The following SERTM1 variants were observed in gnomAD, a reference collection of about 807,000 sequenced individuals.
The protein encoded by SERTM1 is serine-rich and transmembrane domain-containing protein 1.
SERTM1 carries 1 observed loss-of-function variant against 5.5 expected under a neutral mutation model. That is an observed-to-expected ratio of 0.18 (90% CI 0.06 to 0.86). The LOEUF (loss-of-function observed/expected upper bound fraction) is 0.86. Among genes scored for constraint, SERTM1 ranks in the 40% least tolerant of loss-of-function variants. SERTM1 has a pLI of 0.69. For missense variants in SERTM1, 91 were observed against 122.4 expected, an observed-to-expected ratio of 0.74 and a Z score of 1.21; for synonymous variants, 52 against 55.1, an observed-to-expected ratio of 0.94 and a Z score of 0.25.
intron 1 of SERTM1, 98 bp downstream of exon 1, chr13:36,674,282 G>C (rs1311083643): frequency 1.4e-5 from 2 of 144,480 alleles, no homozygotes; most frequent in Admixed American, 7.1e-5. Flanking sequence ...TCGGGTCCTG[G>C]AGGCGAGCCG....
Position 36,695,652 on chromosome 13 carries a change from G to A in SERTM1, c.*250G>A, listed in dbSNP as rs1481144865. 1.3e-5 allele frequency: 7 copies of A among 538,414 alleles called. No homozygotes were observed. The highest frequency in any genetic ancestry group is 2.4e-5 in the Non-Finnish European group (7 of 296,910). The allele number at this position is 538,414 out of a possible 1,614,324, so 33.4% of individuals were successfully genotyped here. On this transcript the variant is annotated 3_prime_UTR_variant, in exon 2 of 2. Transcript: ENST00000315190. ...AAATGGCTTGATGAATCTAGACTGGGCTTCTTCAGGTAAGTCAGTTCATTC... is the reference window on the plus strand; with the variant it reads ...AAATGGCTTGATGAATCTAGACTGGACTTCTTCAGGTAAGTCAGTTCATTC...
chr13:36,686,249 T>G (rs1387888854), intron 1 of SERTM1, among the ~76,000 whole-genome samples: 1 of 152,190 alleles, frequency 6.6e-6, no homozygotes, highest in East Asian at 1.9e-4. Context: ...TGTTTGTGGC[T>G]TACTGGGCAT....
intron 1 of SERTM1, among the ~76,000 whole-genome samples, chr13:36,680,949 T>C (rs1334601596): frequency 6.6e-6 from 1 of 152,160 alleles, no homozygotes; most frequent in Admixed American, 6.6e-5. Context: ...CTGCTATATA[T>C]TTGCAGTTAG....
chr13:36,697,472 A>ATT lies in SERTM1; in HGVS notation c.*2078_*2079dup, dbSNP rs60491115. The ATT allele has an allele frequency of 3.2e-4, 53 of 164,076 alleles. No individual in the cohort carries two copies. The highest frequency in any genetic ancestry group is 6.4e-4 in the African/African-American group (26 of 40,908). 10.2% of individuals were successfully genotyped at this position (164,076 alleles called of 1,614,324 possible). A position where few individuals can be genotyped will look rare whatever the true frequency, so the allele number is the denominator to read the frequency against. Reference sequence around the variant, plus strand: ...GAGAAACAAGGACATGGATGAAGTGATTTTTTTTTAAATAAAAGGACAAAT... The same window carrying ATT: ...GAGAAACAAGGACATGGATGAAGTGATTTTTTTTTTTAAATAAAAGGACAAAT... On this transcript the variant is annotated 3_prime_UTR_variant, in exon 2 of 2. Coordinates refer to ENST00000315190, the MANE Select transcript of SERTM1 (RefSeq NM_203451.3).
intron 1 of SERTM1, among the ~76,000 whole-genome samples, chr13:36,689,115 C>A (rs187235862): frequency 6.6e-6 from 1 of 152,294 alleles, no homozygotes; most frequent in East Asian, 1.9e-4. Context: ...ACATTTTATT[C>A]TAAGAGAGTA....
intron 1 of SERTM1, among the ~76,000 whole-genome samples, chr13:36,682,677 C>T (rs2056712977): frequency 6.6e-6 from 1 of 152,008 alleles, no homozygotes. Context: ...ATGGTAAAAA[C>T]GAGACTGGAA....
In SERTM1 at chr13:36,696,447, C is replaced by G. The variant is rs905786922; in HGVS notation, c.*1045C>G. The G allele has an allele frequency of 1.8e-5, 3 of 166,618 alleles. No individual in the cohort carries two copies. In the Admixed American group the frequency reaches 2.0e-4, roughly 11 times the overall value. The allele number at this position is 166,618 out of a possible 1,614,324, so 10.3% of individuals were successfully genotyped here. On this transcript the variant is annotated 3_prime_UTR_variant, in exon 2 of 2. Coordinates refer to ENST00000315190, the MANE Select transcript of SERTM1 (RefSeq NM_203451.3). ...TATATACTCCACGAATGTTGCGTCT[C>G]TGATAATTAGTTGTTGTATGTTAAC... is the stretch of plus-strand genomic sequence containing the variant.
At chr13:36,693,588 AGT>A (rs2056793641) in intron 1 of SERTM1, among the ~76,000 whole-genome samples, 1 of 152,122 alleles carries the variant, frequency 6.6e-6, no homozygotes, top group Non-Finnish European at 1.5e-5. Context: ...CCCTCTCTGA[AGT>A]GTCCCCACCT....
intron 1 of SERTM1, among the ~76,000 whole-genome samples, chr13:36,692,672 G>C (rs1194386772): frequency 6.6e-6 from 1 of 152,230 alleles, no homozygotes; most frequent in Non-Finnish European, 1.5e-5. Flanking sequence ...TTCTGGAGAA[G>C]TAGGAAAGGT....
intron 1 of SERTM1, among the ~76,000 whole-genome samples, chr13:36,690,766 A>G (rs954494295): frequency 6.6e-6 from 1 of 152,202 alleles, no homozygotes; most frequent in Admixed American, 6.5e-5. Context: ...CCATTCAACT[A>G]TCAAATCTTC....
chr13:36,695,135 T>C lies in SERTM1; in HGVS notation c.57T>C (p.Phe19=), dbSNP rs2056804704. Residue 19 remains phenylalanine, a synonymous_variant, in exon 2 of 2, where the codon TTT becomes TTC. Transcript: ENST00000315190. ...GFSGSVENGT[F]LELFPTSLST... Reference sequence around the variant, plus strand: ...CGGGAAGTGTGGAGAATGGAACTTTTCTTGAGCTGTTTCCCACATCCCTGT... The same window carrying C: ...CGGGAAGTGTGGAGAATGGAACTTTCCTTGAGCTGTTTCCCACATCCCTGT... 2 of 1,614,222 alleles carry C rather than the reference T, an allele frequency of 1.2e-6. No individual in the cohort carries two copies. The highest frequency in any genetic ancestry group is 1.7e-6 in the Non-Finnish European group (2 of 1,180,024).
chr13:36,685,211 T>C (rs1202266905), intron 1 of SERTM1, among the ~76,000 whole-genome samples: 2 of 152,252 alleles, frequency 1.3e-5, no homozygotes, highest in Admixed American at 6.5e-5. Flanking sequence ...TTGAGTTCGC[T>C]GTGCCGCCTG....
intron 1 of SERTM1, among the ~76,000 whole-genome samples, chr13:36,688,045 T>C (rs2056753862): frequency 6.6e-6 from 1 of 152,100 alleles, no homozygotes; most frequent in African/African-American, 2.4e-5. Context: ...TCTTTCCAAA[T>C]ATCACTCTCT....
chr13:36,696,549 G>T lies in SERTM1; in HGVS notation c.*1147G>T, dbSNP rs1566234002. The T allele has an allele frequency of 6.0e-6, 1 of 167,004 alleles. No individual in the cohort carries two copies. Among genetic ancestry groups the T allele is most frequent in the Admixed American group, 6.5e-5 (1 of 15,278 alleles). The allele number at this position is 167,004 out of a possible 1,614,324, so 10.3% of individuals were successfully genotyped here. A position where few individuals can be genotyped will look rare whatever the true frequency, so the allele number is the denominator to read the frequency against. Reference sequence around the variant, plus strand: ...GGCACTCAAGTTGTGTAGCTGCTGGGAGCTTTAGGGATCCTAGGAGCTGCC... The same window carrying T: ...GGCACTCAAGTTGTGTAGCTGCTGGTAGCTTTAGGGATCCTAGGAGCTGCC... On this transcript the variant is annotated 3_prime_UTR_variant, in exon 2 of 2. Transcript: ENST00000315190.
At chr13:36,689,596 C>T (rs1384086204) in intron 1 of SERTM1, among the ~76,000 whole-genome samples, 2 of 149,804 alleles carry the variant, frequency 1.3e-5, no homozygotes, top group East Asian at 3.9e-4. Context: ...GGGACTTATA[C>T]CTATAATTAC....
rs2056822145 is a variant in SERTM1, at chr13:36,697,312, A to ATATATATATATATATATAT, written c.*1910_*1911insTATATATATATATATATAT. On this transcript the variant is annotated 3_prime_UTR_variant, in exon 2 of 2. Transcript: ENST00000315190. ...ATACGCACACACACACACACACATA[A>ATATATATATATATATATAT]ATATATATATATATATATATATATA... 2.8e-5 allele frequency: 4 copies of ATATATATATATATATATAT among 143,824 alleles called. No homozygotes were observed. Among genetic ancestry groups the ATATATATATATATATATAT allele is most frequent in the African/African-American group, 8.3e-5 (3 of 36,210 alleles). 8.9% of individuals were successfully genotyped at this position (143,824 alleles called of 1,614,324 possible).
intron 1 of SERTM1, among the ~76,000 whole-genome samples, chr13:36,680,085 A>T (rs2056694199): frequency 6.6e-6 from 1 of 152,226 alleles, no homozygotes; most frequent in East Asian, 1.9e-4. Context: ...CCAAAAAAAA[A>T]TTCAAAATCA....
At chr13:36,691,059 G>A (rs977557264) in intron 1 of SERTM1, among the ~76,000 whole-genome samples, 1 of 152,204 alleles carries the variant, frequency 6.6e-6, no homozygotes, top group South Asian at 2.1e-4. Flanking sequence ...TAAAATTGCT[G>A]TGCCATATTT....
chr13:36,689,882 A>G (rs2056767053), intron 1 of SERTM1, among the ~76,000 whole-genome samples: 2 of 152,134 alleles, frequency 1.3e-5, no homozygotes, highest in African/African-American at 4.8e-5. Context: ...CCTAGGAGTA[A>G]TCCAGGTAGA....
Sources: gnomAD v4.1 joint callset for allele counts (sites outside exome capture counted in the v4.1 genomes callset) on GRCh38, gnomAD v4.1.1 for gene constraint, MANE v1.5 for transcripts, NCBI Gene and HGNC (gene_info 2026-07-23, HGNC 2026-07-21) for gene names.